The following F13B variants were observed in gnomAD, a reference collection of about 807,000 sequenced individuals.
The protein encoded by F13B is TGase.
A neutral mutation model predicts 79.8 loss-of-function variants in F13B; 58 were observed. The observed-to-expected ratio is 0.73, with a 90% CI of 0.59 to 0.90. The LOEUF (loss-of-function observed/expected upper bound fraction) is 0.90, where lower values mean the gene tolerates loss of function less well. Ranked by LOEUF, F13B falls within the 40% of genes least tolerant of loss-of-function variation. The pLI is 0.00. For synonymous variants in F13B, 283 were observed against 260.3 expected (o/e 1.09, Z -0.84); for missense variants, 773 against 777.0 (o/e 0.99, Z 0.06).
intron 7 of F13B, 53 bp from the exon 8 acceptor site, chr1:197,055,950 A>G: frequency 1.5e-6 from 2 of 1,360,456 alleles, no homozygotes; most frequent in Non-Finnish European, 2.1e-6. Flanking sequence ...AATATACTAT[A>G]GTAACTCATA....
rs956705006 is a variant in F13B, at chr1:197,062,864, C to T, written c.258G>A (p.Arg86=). ...CATATCCAGCTGACTTACTGAAGCACCTTGGCTCTGGAGACCAGCCTTCTG... is the reference window on the plus strand; with the variant it reads ...CATATCCAGCTGACTTACTGAAGCATCTTGGCTCTGGAGACCAGCCTTCTG... ...CTTEGWSPEP[R]CFKKCTKPDL... is the part of the protein sequence containing the mutation. The change falls in exon 2 of 12, where the codon AGG becomes AGA. Residue 86 remains arginine, a synonymous_variant. Transcript: ENST00000367412. The T allele has an allele frequency of 2.5e-6, 4 of 1,613,606 alleles. No homozygotes were observed. The highest frequency in any genetic ancestry group is 1.6e-4 in the Middle Eastern group (1 of 6,078).
intron 3 of F13B, among the ~76,000 whole-genome samples, chr1:197,061,308 G>T (rs1185419540): frequency 6.6e-6 from 1 of 151,990 alleles, no homozygotes; most frequent in Non-Finnish European, 1.5e-5. Flanking sequence ...TTGACCAAAG[G>T]CCAAAATTCA....
chr1:197,050,638 G>A (rs1655407078), intron 10 of F13B, 59 bp downstream of exon 10: 19 of 1,475,990 alleles, frequency 1.3e-5, no homozygotes, highest in Middle Eastern at 1.8e-4. Flanking sequence ...ACTCAAAAAT[G>A]ACAGCAAATT....
At chr1:197,046,257 T>G (rs1209611155) in intron 10 of F13B, among the ~76,000 whole-genome samples, 2 of 152,192 alleles carry the variant, frequency 1.3e-5, no homozygotes, top group South Asian at 4.1e-4. Context: ...ATTATATATT[T>G]AGAAAACCCC....
chr1:197,050,992 C>T, intron 9 of F13B, 113 bp from the exon 10 acceptor site: 1 of 892,354 alleles, frequency 1.1e-6, no homozygotes. Context: ...AGTATGGTGG[C>T]ATGATCATGA....
chr1:197,062,024 A>G, intron 2 of F13B, 55 bp from the exon 3 acceptor site: 2 of 1,454,056 alleles, frequency 1.4e-6, no homozygotes, highest in Non-Finnish European at 1.9e-6. Flanking sequence ...GTCTTTTACT[A>G]AATTGTAAAA....
chr1:197,059,586 A>C (rs921487216), intron 5 of F13B, among the ~76,000 whole-genome samples: 1 of 152,214 alleles, frequency 6.6e-6, no homozygotes, highest in Admixed American at 6.5e-5. Flanking sequence ...TTATCTCTTA[A>C]GACCCAACTT....
chr1:197,067,168 T>C lies in F13B; in HGVS notation c.56A>G (p.Tyr19Cys), dbSNP rs780445814. ...IIILIISGEL[Y>C]AEEKPCGFPH... is the part of the protein sequence containing the mutation. ...TTAAGAATTAATTTTACCTTCTGCA[T>C]AGAGTTCTCCTGAGATTATCAATAT... Residue 19 changes from tyrosine (Y) to cysteine (C), a missense_variant, in exon 1 of 12, where the codon TAT becomes TGT. Coordinates refer to ENST00000367412, the MANE Select transcript of F13B (RefSeq NM_001994.3). The C allele has an allele frequency of 5.7e-6, 9 of 1,589,676 alleles. No homozygotes were observed. The highest frequency in any genetic ancestry group is 2.2e-5 in the East Asian group (1 of 44,540).
chr1:197,039,147 AGATGG>A lies in F13B; in HGVS notation c.*226_*230del. On this transcript the variant is annotated 3_prime_UTR_variant, in exon 12 of 12. Transcript: ENST00000367412. ...TATGATGTGTAGATTAATTTGTAACAGATGGAAGACATACAAAAGAGATTAAGTTC... is the reference window on the plus strand; with the variant it reads ...TATGATGTGTAGATTAATTTGTAACAAAGACATACAAAAGAGATTAAGTTC... 3 of 487,600 alleles carry A rather than the reference AGATGG, an allele frequency of 6.2e-6. No homozygotes were observed. The highest frequency in any genetic ancestry group is 7.3e-6 in the Non-Finnish European group (2 of 273,924). 30.2% of individuals were successfully genotyped at this position (487,600 alleles called of 1,614,324 possible). A position where few individuals can be genotyped will look rare whatever the true frequency, so the allele number is the denominator to read the frequency against.
At chr1:197,063,450 G>T (rs557171238) in intron 1 of F13B, among the ~76,000 whole-genome samples, 5 of 152,020 alleles carry the variant, frequency 3.3e-5, no homozygotes, top group Non-Finnish European at 5.9e-5. Context: ...CTGTAGCTAG[G>T]ACTGCAGGCA....
Position 197,061,827 on chromosome 1 carries a change from G to A in F13B, c.408C>T (p.Leu136=), listed in dbSNP as rs1387721297. 2 of 1,613,432 alleles carry A rather than the reference G, an allele frequency of 1.2e-6. No homozygotes were observed. Among genetic ancestry groups the A allele is most frequent in the South Asian group, 1.1e-5 (1 of 91,058 alleles). The change falls in exon 3 of 12, where the codon CTC becomes CTT. Residue 136 remains leucine, a synonymous_variant. Transcript: ENST00000367412. Reference sequence around the variant, plus strand: ...TTGGTTGAGAAGACCATCCATCAGAGAGACATTGAACCACTTCTTCATCCT... The same window carrying A: ...TTGGTTGAGAAGACCATCCATCAGAAAGACATTGAACCACTTCTTCATCCT... The part of the protein sequence containing the change: ...GGKDEEVVQC[L]SDGWSSQPTC...
chr1:197,044,875 C>A (rs1222657953), intron 10 of F13B, among the ~76,000 whole-genome samples: 5 of 152,120 alleles, frequency 3.3e-5, no homozygotes, highest in Non-Finnish European at 7.3e-5. Context: ...TGCACAACTA[C>A]ATGGAAACTG....
chr1:197,056,491 C>A (rs1169002661), intron 7 of F13B, among the ~76,000 whole-genome samples: 1 of 151,804 alleles, frequency 6.6e-6, no homozygotes, highest in Non-Finnish European at 1.5e-5. Flanking sequence ...CCTGGTGGTG[C>A]CTTTCAGTAA....
At chr1:197,047,925 G>A (rs1183496154) in intron 10 of F13B, among the ~76,000 whole-genome samples, 1 of 152,020 alleles carries the variant, frequency 6.6e-6, no homozygotes. Flanking sequence ...TCACTCATAG[G>A]TGAGTGTTGA....
chr1:197,049,009 A>G (rs935609791), intron 10 of F13B, among the ~76,000 whole-genome samples: 1 of 152,026 alleles, frequency 6.6e-6, no homozygotes, highest in Non-Finnish European at 1.5e-5. Context: ...AGAAACTTCT[A>G]AATGATTCAG....
At chr1:197,059,328 C>A (rs930983486) in intron 5 of F13B, among the ~76,000 whole-genome samples, 1 of 152,114 alleles carries the variant, frequency 6.6e-6, no homozygotes, top group African/African-American at 2.4e-5. Context: ...ATCATAAAAT[C>A]TTTAAAGTTA....
chr1:197,067,098 T>A, intron 1 of F13B, 62 bp downstream of exon 1: 1 of 944,106 alleles, frequency 1.1e-6, no homozygotes, highest in South Asian at 1.6e-5. Context: ...TTGAGTTGTA[T>A]AAATATTAGA....
intron 10 of F13B, among the ~76,000 whole-genome samples, chr1:197,048,527 A>G (rs755064113): frequency 6.6e-6 from 1 of 152,090 alleles, no homozygotes; most frequent in Non-Finnish European, 1.5e-5. Flanking sequence ...ATTACTATAT[A>G]TGAAGGAGGT....
chr1:197,064,197 T>G (rs964471973), intron 1 of F13B, among the ~76,000 whole-genome samples: 7 of 152,262 alleles, frequency 4.6e-5, no homozygotes, highest in African/African-American at 1.7e-4. Context: ...AACTCGCATA[T>G]TTCTACAACT....
Sources: gnomAD v4.1 joint callset for allele counts (sites outside exome capture counted in the v4.1 genomes callset) on GRCh38, gnomAD v4.1.1 for gene constraint, MANE v1.5 for transcripts, NCBI Gene and HGNC (gene_info 2026-07-23, HGNC 2026-07-21) for gene names.